DNAJC5: variants seen among roughly 807,000 people sequenced by gnomAD.
DNAJC5 encodes dnaJ homolog subfamily C member 5.
DNAJC5 carries 1 observed loss-of-function variant against 23.2 expected under a neutral mutation model. The observed-to-expected ratio is 0.04, with a 90% CI of 0.02 to 0.20. The LOEUF (loss-of-function observed/expected upper bound fraction) is 0.20, where lower values mean the gene tolerates loss of function less well. DNAJC5 is among the 10% of genes least tolerant of loss of function. The pLI is 1.00. For missense variants in DNAJC5, 180 were observed against 267.0 expected (o/e 0.67, Z 2.27); for synonymous variants, 136 against 120.0 (o/e 1.13, Z -0.87).
Position 63,931,960 on chromosome 20 carries a change from C to T in DNAJC5, c.*392C>T, listed in dbSNP as rs1162481118. The T allele has an allele frequency of 2.8e-6, 1 of 351,920 alleles. No individual in the cohort carries two copies. The highest frequency in any genetic ancestry group is 2.3e-5 in the South Asian group (1 of 44,274). The allele number at this position is 351,920 out of a possible 1,614,324, so 21.8% of individuals were successfully genotyped here. On this transcript the variant is annotated 3_prime_UTR_variant, in exon 5 of 5. Transcript: ENST00000360864. This position sits in a 1 kb window ranked among gnomAD's most constrained non-coding sequence, Gnocchi z 9.6. The stretch of plus-strand genomic sequence containing the variant: ...CGAGGAGAAGGGGGGCTGCCCCTTT[C>T]CTACCTGTGCTTGAGGGGCCGGAGG...
In DNAJC5 at chr20:63,900,861, A is replaced by G. The variant is rs1315246753; in HGVS notation, c.-12+5538A>G. Among the ~76,000 whole-genome samples, 3 of 152,320 alleles carry G rather than the reference A, an allele frequency of 2.0e-5. No homozygotes were observed. The East Asian group carries it at 5.8e-4, about 29-fold the overall frequency. On this transcript the variant is annotated intron_variant, in intron 1 of 4. Coordinates refer to ENST00000360864, the MANE Select transcript of DNAJC5 (RefSeq NM_025219.3). ...TTATTTTTCATGGGTTTATAATTGT[A>G]TTGTCCCTTTAAATATTCTACATTG...
Position 63,924,576 on chromosome 20 carries a change from G to A in DNAJC5, c.-11-3759G>A, listed in dbSNP as rs148547767. Among the ~76,000 whole-genome samples the A allele has an allele frequency of 8.7e-4, 133 of 152,226 alleles. 1 individual carries two copies. The highest frequency in any genetic ancestry group is 2.9e-3 in the African/African-American group (120 of 41,530). ...AACTTAAAAACAAAAACAAAAAACC[G>A]GGCACGGTGGCTCATGCCTGTAATC... On this transcript the variant is annotated intron_variant, in intron 1 of 4. Coordinates refer to ENST00000360864, the MANE Select transcript of DNAJC5 (RefSeq NM_025219.3).
intron 1 of DNAJC5, among the ~76,000 whole-genome samples, chr20:63,896,371 G>C (rs1170482836): frequency 1.3e-5 from 2 of 152,200 alleles, no homozygotes; most frequent in African/African-American, 2.4e-5. Flanking sequence ...CCTTTCACTT[G>C]TGTCGGTGCT....
At position 63,920,768 on chromosome 20, in the gene DNAJC5, C is replaced by T. The variant is rs558522031; in HGVS notation, c.-11-7567C>T. Among the ~76,000 whole-genome samples the T allele has an allele frequency of 4.0e-5, 6 of 151,608 alleles. No homozygotes were observed. Among genetic ancestry groups the T allele is most frequent in the African/African-American group, 1.5e-4 (6 of 41,268 alleles). On this transcript the variant is annotated intron_variant, in intron 1 of 4. Transcript: ENST00000360864. The surrounding 1 kb of genome is among the most constrained non-coding windows in gnomAD (Gnocchi z 4.6). ...TCTCGGCTCACTGCAACCTCCCCCT[C>T]GAGGGTTCAAGCGATTCTCCTGCCT...
Position 63,931,434 on chromosome 20 carries a change from TC to T in DNAJC5, c.494-30del. 1 of 1,533,336 alleles carries T rather than the reference TC, an allele frequency of 6.5e-7. No homozygotes were observed. The highest frequency in any genetic ancestry group is 8.7e-7 in the Non-Finnish European group (1 of 1,143,138). 95.0% of individuals were successfully genotyped at this position (1,533,336 alleles called of 1,614,324 possible). A position where few individuals can be genotyped will look rare whatever the true frequency, so the allele number is the denominator to read the frequency against. On this transcript the variant is annotated intron_variant, in intron 4 of 4. Coordinates refer to ENST00000360864, the MANE Select transcript of DNAJC5 (RefSeq NM_025219.3). This position sits in a 1 kb window ranked among gnomAD's most constrained non-coding sequence, Gnocchi z 9.6. ...TTGGGTGCGCGCCAGGCTGTGGCCC[TC>T]GTGCAGTGCCCTGTGTGCTTGCTTT... is the stretch of plus-strand genomic sequence containing the variant.
Position 63,929,465 on chromosome 20 carries a change from C to T in DNAJC5, c.261C>T (p.Ala87=), listed in dbSNP as rs772397861. The T allele has an allele frequency of 2.5e-5, 40 of 1,614,126 alleles. No homozygotes were observed. Among genetic ancestry groups the T allele is most frequent in the East Asian group, 6.7e-5 (3 of 44,880 alleles). The change falls in exon 3 of 5, where the codon GCC becomes GCT. Residue 87 remains alanine, a synonymous_variant. Coordinates refer to ENST00000360864, the MANE Select transcript of DNAJC5 (RefSeq NM_025219.3). This position sits in a 1 kb window ranked among gnomAD's most constrained non-coding sequence, Gnocchi z 8.6. ...DKYGSLGLYV[A]EQFGEENVNT... ...ACGGCTCGCTGGGTCTCTACGTGGCCGAGCAGTTTGGGGAAGAGAACGTGA... is the reference window on the plus strand; with the variant it reads ...ACGGCTCGCTGGGTCTCTACGTGGCTGAGCAGTTTGGGGAAGAGAACGTGA...
intron 1 of DNAJC5, among the ~76,000 whole-genome samples, chr20:63,907,097 A>C (rs2053453002): frequency 6.6e-6 from 1 of 152,124 alleles, no homozygotes; most frequent in Non-Finnish European, 1.5e-5. Flanking sequence ...TCTAAAATAA[A>C]ATAAAATAAA....
At position 63,934,021 on chromosome 20, in the gene DNAJC5, TAATA is replaced by T. The variant is rs1227479939; in HGVS notation, c.*2457_*2460del. On this transcript the variant is annotated 3_prime_UTR_variant, in exon 5 of 5. Coordinates refer to ENST00000360864, the MANE Select transcript of DNAJC5 (RefSeq NM_025219.3). ...AGTCCCCTGCAGAATCTGTAAAACC[TAATA>T]AATCATGGTTGTGGCCATTCTCACG... is the stretch of plus-strand genomic sequence containing the variant. 2 of 152,266 alleles carry T rather than the reference TAATA, an allele frequency of 1.3e-5. No homozygotes were observed. The highest frequency in any genetic ancestry group is 6.5e-5 in the Admixed American group (1 of 15,270). 9.4% of individuals were successfully genotyped at this position (152,266 alleles called of 1,614,324 possible). A position where few individuals can be genotyped will look rare whatever the true frequency, so the allele number is the denominator to read the frequency against.
rs866013662 is a variant in DNAJC5 at position 63,928,619 on chromosome 20, T to C, written c.107+167T>C. On this transcript the variant is annotated intron_variant, in intron 2 of 4. Transcript: ENST00000360864. This position sits in a 1 kb window ranked among gnomAD's most constrained non-coding sequence, Gnocchi z 4.6. The stretch of plus-strand genomic sequence containing the variant: ...CTTTGTATGTGTAATGTGCTCCTTA[T>C]AGCTTAAAGTTATGGTATTCATGTT... Among the ~76,000 whole-genome samples, 3 of 152,230 alleles carry C rather than the reference T, an allele frequency of 2.0e-5. No individual in the cohort carries two copies. Among genetic ancestry groups the C allele is most frequent in the Admixed American group, 2.0e-4 (3 of 15,288 alleles).
At chr20:63,900,898 C>A (rs1474871118) in intron 1 of DNAJC5, among the ~76,000 whole-genome samples, 2 of 152,210 alleles carry the variant, frequency 1.3e-5, no homozygotes, top group Admixed American at 1.3e-4. Context: ...ACATGTATCA[C>A]CAGCAGAAAT....
intron 1 of DNAJC5, among the ~76,000 whole-genome samples, chr20:63,921,826 T>C (rs1282557252): frequency 6.6e-6 from 1 of 152,010 alleles, no homozygotes; most frequent in African/African-American, 2.4e-5. Context: ...TCACCCAGGC[T>C]GACGTCCAGT....
chr20:63,902,361 T>G (rs1422934829), intron 1 of DNAJC5, among the ~76,000 whole-genome samples: 45 of 83,362 alleles, frequency 5.4e-4, no homozygotes, highest in African/African-American at 6.7e-4. Flanking sequence ...GCCTCATCTT[T>G]TTTTTTTTTT....
intron 1 of DNAJC5, among the ~76,000 whole-genome samples, chr20:63,897,962 C>T (rs1324831346): frequency 6.6e-6 from 1 of 152,204 alleles, no homozygotes; most frequent in Non-Finnish European, 1.5e-5. Flanking sequence ...ACAGACGCTG[C>T]ACGTTTCTCA....
intron 1 of DNAJC5, among the ~76,000 whole-genome samples, chr20:63,924,974 G>A (rs1035134604): frequency 6.6e-6 from 1 of 152,248 alleles, no homozygotes; most frequent in Non-Finnish European, 1.5e-5. Context: ...GGACATTGAA[G>A]GGTGAGGAGG....
At position 63,929,064 on chromosome 20, in the gene DNAJC5, C is replaced by T. The variant is rs1326202919; in HGVS notation, c.108-248C>T. ...TTGGTGCCGCTGAACTTAGATGTGC[C>T]GTGGCACTCACAGCCCTTGGGGCTC... On this transcript the variant is annotated intron_variant, in intron 2 of 4. Transcript: ENST00000360864. The surrounding 1 kb of genome is among the most constrained non-coding windows in gnomAD (Gnocchi z 8.6). 1.3e-5 allele frequency among the ~76,000 whole-genome samples: 2 copies of T among 152,240 alleles called. No homozygotes were observed. The highest frequency in any genetic ancestry group is 2.9e-5 in the Non-Finnish European group (2 of 68,044).
chr20:63,925,558 C>T (rs111864846), intron 1 of DNAJC5, among the ~76,000 whole-genome samples: 14 of 151,924 alleles, frequency 9.2e-5, no homozygotes, highest in Non-Finnish European at 1.9e-4. Flanking sequence ...GAAAGTGTGG[C>T]AAACAGGAAG....
chr20:63,918,874 G>A (rs1410217561), intron 1 of DNAJC5, among the ~76,000 whole-genome samples: 1 of 152,212 alleles, frequency 6.6e-6, no homozygotes, highest in Admixed American at 6.5e-5. Flanking sequence ...GATTACAGGC[G>A]TGAGCCACCA....
chr20:63,931,127 C>A lies in DNAJC5; in HGVS notation c.493+105C>A. On this transcript the variant is annotated intron_variant, in intron 4 of 4. Coordinates refer to ENST00000360864, the MANE Select transcript of DNAJC5 (RefSeq NM_025219.3). This position sits in a 1 kb window ranked among gnomAD's most constrained non-coding sequence, Gnocchi z 9.6. ...CAAACAGGAGGGCACTGACACTGTG[C>A]CGCGAGTGTTTGTGGTGGCAGCTGG... 1 of 1,264,364 alleles carries A rather than the reference C, an allele frequency of 7.9e-7. No homozygotes were observed. Among genetic ancestry groups the A allele is most frequent in the Non-Finnish European group, 1.1e-6 (1 of 889,558 alleles). The allele number at this position is 1,264,364 out of a possible 1,614,324, so 78.3% of individuals were successfully genotyped here. A position where few individuals can be genotyped will look rare whatever the true frequency, so the allele number is the denominator to read the frequency against.
Position 63,896,531 on chromosome 20 carries a change from G to T in DNAJC5, c.-12+1208G>T, listed in dbSNP as rs2053376788. Among the ~76,000 whole-genome samples the T allele has an allele frequency of 2.0e-5, 3 of 152,072 alleles. No individual in the cohort carries two copies. In the South Asian group the frequency reaches 6.2e-4, roughly 32 times the overall value. ...TCTGAGTCCACCCACCCTCAGACTG[G>T]CCCCTGACTCACTCTGCACCTGCCA... On this transcript the variant is annotated intron_variant, in intron 1 of 4. Transcript: ENST00000360864.
Sources: allele counts gnomAD v4.1 joint callset (sites outside exome capture counted in the v4.1 genomes callset), GRCh38; gene constraint gnomAD v4.1.1; non-coding constraint Gnocchi (gnomAD v3.1); transcripts MANE v1.5; gene names NCBI Gene and HGNC (gene_info 2026-07-23, HGNC 2026-07-21).